The following TNRC6B variants were observed in gnomAD, a reference collection of about 807,000 sequenced individuals.
The protein encoded by TNRC6B is trinucleotide repeat containing adaptor 6B, also known as trinucleotide repeat-containing gene 6B protein.
Under a neutral mutation model 203.6 loss-of-function variants are expected in TNRC6B, and 52 were observed. The observed-to-expected ratio is 0.26, with a 90% CI of 0.20 to 0.32. The LOEUF is 0.32. TNRC6B is among the 10% of genes least tolerant of loss of function. The pLI is 1.00. For missense variants in TNRC6B, 1,923 were observed against 2,286.2 expected, an observed-to-expected ratio of 0.84 and a Z score of 3.24; for synonymous variants, 838 against 845.7, an observed-to-expected ratio of 0.99 and a Z score of 0.16.
chr22:40,296,326 ATTTTTTT>A (rs951987835), intron 12 of TNRC6B, among the ~76,000 whole-genome samples: 5 of 125,466 alleles, frequency 4.0e-5, no homozygotes, highest in East Asian at 2.2e-4. Context: ...AGAATGGTGA[ATTTTTTT>A]TTTTTTTTTT....
rs2070451561 is a variant in TNRC6B at position 40,264,899 on chromosome 22, C to T, written c.669C>T (p.Asn223=). Residue 223 remains asparagine, a synonymous_variant, in exon 5 of 23, where the codon AAC becomes AAT. Coordinates refer to ENST00000454349, the MANE Select transcript of TNRC6B (RefSeq NM_001162501.2). ...CCACCGATAACAACAGTGCCTCGAA[C>T]CCTGGCTCTGAGAAGAGCACTCTGC... The part of the protein sequence containing the change: ...ENTTDNNSAS[N]PGSEKSTLPG... 7 of 1,613,924 alleles carry T rather than the reference C, an allele frequency of 4.3e-6. No homozygotes were observed. In the Admixed American group the frequency reaches 1.0e-4, roughly 23 times the overall value.
chr22:40,051,971 T>G (rs1435253315), intron 1 of TNRC6B, among the ~76,000 whole-genome samples: 1 of 152,238 alleles, frequency 6.6e-6, no homozygotes, highest in Non-Finnish European at 1.5e-5. Context: ...ACATTTCAAG[T>G]GCTCAGTAGC....
chr22:40,242,731 T>TA (rs2146466196), intron 1 of TNRC6B, among the ~76,000 whole-genome samples: 1 of 150,870 alleles, frequency 6.6e-6, no homozygotes, highest in East Asian at 2.0e-4. Context: ...CGCCCGTCCC[T>TA]ATTATTCTTA....
intron 2 of TNRC6B, among the ~76,000 whole-genome samples, chr22:40,119,772 A>T (rs981376532): frequency 6.6e-6 from 1 of 152,202 alleles, no homozygotes; most frequent in African/African-American, 2.4e-5. Flanking sequence ...AGACTTTGTC[A>T]CTTCTTACAT....
At chr22:40,268,688 G>A (rs1036231766) in intron 5 of TNRC6B, among the ~76,000 whole-genome samples, 5 of 151,946 alleles carry the variant, frequency 3.3e-5, no homozygotes, top group Non-Finnish European at 7.4e-5. Flanking sequence ...GAGGCGGACA[G>A]ATCATGAGGT....
intron 4 of TNRC6B, among the ~76,000 whole-genome samples, chr22:40,158,327 G>A (rs571229384): frequency 3.9e-4 from 59 of 149,570 alleles, no homozygotes; most frequent in Middle Eastern, 3.4e-3. Flanking sequence ...CAACAAGAGC[G>A]AAACTCCATC....
chr22:40,292,757 T>C (rs1271541338), intron 12 of TNRC6B, among the ~76,000 whole-genome samples: 1 of 152,196 alleles, frequency 6.6e-6, no homozygotes, highest in Non-Finnish European at 1.5e-5. Context: ...GGGCAGTACA[T>C]TTGCAATCCT....
At position 40,332,141 on chromosome 22, in the gene TNRC6B, T is replaced by G. The variant is rs2043988788; in HGVS notation, c.*8900T>G. 6.5e-6 allele frequency: 1 copy of G among 153,372 alleles called. No individual in the cohort carries two copies. The highest frequency in any genetic ancestry group is 6.5e-5 in the Admixed American group (1 of 15,296). 9.5% of individuals were successfully genotyped at this position (153,372 alleles called of 1,614,324 possible). On this transcript the variant is annotated 3_prime_UTR_variant, in exon 23 of 23. Transcript: ENST00000454349. ...TCGTGCTGACCTGAAAGTTAATCTTTAGGTCGATTTTGAAAAACTCCGCCT... is the reference window on the plus strand; with the variant it reads ...TCGTGCTGACCTGAAAGTTAATCTTGAGGTCGATTTTGAAAAACTCCGCCT...
chr22:40,136,399 G>GTGTGTGTGTA (rs1208417627), intron 3 of TNRC6B, among the ~76,000 whole-genome samples: 1 of 141,750 alleles, frequency 7.1e-6, no homozygotes, highest in African/African-American at 2.6e-5. Context: ...GTGTGTGTGT[G>GTGTGTGTGTA]TGTATACTTT....
intron 1 of TNRC6B, among the ~76,000 whole-genome samples, chr22:40,234,016 G>T (rs551165852): frequency 1.6e-4 from 24 of 152,160 alleles, no homozygotes; most frequent in Non-Finnish European, 2.9e-4. Flanking sequence ...GCCGAGTGCG[G>T]TGCTCACACC....
chr22:40,305,287 C>G (rs2071075109), intron 15 of TNRC6B, among the ~76,000 whole-genome samples: 1 of 152,176 alleles, frequency 6.6e-6, no homozygotes, highest in Non-Finnish European at 1.5e-5. Flanking sequence ...ATTACACTGT[C>G]CATAAATATT....
At chr22:40,321,354 A>G (rs1174306164) in intron 22 of TNRC6B, 125 bp downstream of exon 22, 1 of 1,153,376 alleles carries the variant, frequency 8.7e-7, no homozygotes, top group Non-Finnish European at 1.2e-6. Context: ...TCACACGTGC[A>G]TCTGCAAGTC....
At chr22:40,131,504 C>T (rs998674900) in intron 3 of TNRC6B, among the ~76,000 whole-genome samples, 4 of 151,652 alleles carry the variant, frequency 2.6e-5, no homozygotes, top group Admixed American at 1.3e-4. Flanking sequence ...TATGCACAAG[C>T]ATAATTCCTT....
chr22:40,300,794 C>T, intron 13 of TNRC6B, 116 bp from the exon 14 acceptor site: 1 of 1,220,922 alleles, frequency 8.2e-7, no homozygotes, highest in Admixed American at 2.5e-5. Flanking sequence ...GTGTTACTTC[C>T]CTCCTGGATA....
chr22:40,295,309 C>T (rs2146540269), intron 12 of TNRC6B, among the ~76,000 whole-genome samples: 1 of 152,120 alleles, frequency 6.6e-6, no homozygotes, highest in East Asian at 1.9e-4. Flanking sequence ...AACCCCGTCT[C>T]TATTAAAAAA....
At chr22:40,087,468 T>G (rs1419400383) in intron 1 of TNRC6B, among the ~76,000 whole-genome samples, 1 of 152,174 alleles carries the variant, frequency 6.6e-6, no homozygotes, top group African/African-American at 2.4e-5. Context: ...GAAACACACA[T>G]GCTAAACTGA....
intron 15 of TNRC6B, among the ~76,000 whole-genome samples, chr22:40,308,015 C>T (rs2071114362): frequency 6.6e-6 from 1 of 152,074 alleles, no homozygotes; most frequent in Admixed American, 6.5e-5. Flanking sequence ...CTCACCATTC[C>T]CTAAACACAC....
chr22:40,051,824 G>A (rs938869460), intron 1 of TNRC6B, among the ~76,000 whole-genome samples: 3 of 152,160 alleles, frequency 2.0e-5, no homozygotes, highest in African/African-American at 7.2e-5. Flanking sequence ...ATTGACTTCA[G>A]TATATCCAAA....
At chr22:40,189,579 T>C (rs1398487456) in intron 1 of TNRC6B, among the ~76,000 whole-genome samples, 1 of 152,110 alleles carries the variant, frequency 6.6e-6, no homozygotes, top group Non-Finnish European at 1.5e-5. Context: ...TTTCTTAACG[T>C]CTTTAGGGTG....
Sources: gnomAD v4.1 joint callset for allele counts (sites outside exome capture counted in the v4.1 genomes callset) on GRCh38, gnomAD v4.1.1 for gene constraint, MANE v1.5 for transcripts, NCBI Gene and HGNC (gene_info 2026-07-23, HGNC 2026-07-21) for gene names.